AP4S1: variants seen among roughly 807,000 people sequenced by gnomAD.
AP4S1 encodes adaptor related protein complex 4 subunit sigma 1, also known as AP-4 complex subunit sigma-1.
AP4S1 carries 23 observed loss-of-function variants against 19.8 expected under a neutral mutation model. That is an observed-to-expected ratio of 1.16 (90% CI 0.84 to 1.65). The LOEUF (loss-of-function observed/expected upper bound fraction) is 1.65. AP4S1 is among the 40% of genes most tolerant of loss of function. AP4S1 has a pLI of 0.00. For synonymous variants in AP4S1, 46 were observed against 54.1 expected (o/e 0.85, Z 0.66); for missense variants, 166 against 172.8 (o/e 0.96, Z 0.22).
intron 4 of AP4S1, among the ~76,000 whole-genome samples, chr14:31,076,154 C>T (rs536757262): frequency 8.3e-4 from 127 of 152,256 alleles, no homozygotes; most frequent in Middle Eastern, 3.4e-3. Flanking sequence ...TGCATAGAAC[C>T]ATGCTTTCAG....
At chr14:31,073,491 G>GAAA (rs1328162460) in intron 4 of AP4S1, among the ~76,000 whole-genome samples, 7 of 140,982 alleles carry the variant, frequency 5.0e-5, no homozygotes. Context: ...CTCCGTCTCA[G>GAAA]AAAAAAAAAA....
chr14:31,073,288 A>G (rs986068537), intron 4 of AP4S1: 11 of 304,082 alleles, frequency 3.6e-5, no homozygotes, highest in African/African-American at 8.7e-5. Context: ...CAGGAGATGG[A>G]GACCATCCTG....
At chr14:31,077,157 G>A (rs1015792424) in intron 4 of AP4S1, among the ~76,000 whole-genome samples, 2 of 151,920 alleles carry the variant, frequency 1.3e-5, no homozygotes, top group African/African-American at 2.4e-5. Context: ...GGCTCGTCTC[G>A]AACTCCCAAC....
intron 1 of AP4S1, among the ~76,000 whole-genome samples, chr14:31,035,106 A>G (rs1419143614): frequency 6.6e-6 from 1 of 152,008 alleles, no homozygotes; most frequent in Non-Finnish European, 1.5e-5. Flanking sequence ...TAGTTCTCTA[A>G]GTATCTTTAA....
At chr14:31,074,692 G>T (rs943187856) in intron 4 of AP4S1, among the ~76,000 whole-genome samples, 2 of 152,028 alleles carry the variant, frequency 1.3e-5, no homozygotes, top group African/African-American at 4.8e-5. Flanking sequence ...AATAAATAAA[G>T]TAAGTGTATA....
intron 1 of AP4S1, among the ~76,000 whole-genome samples, chr14:31,035,773 A>G (rs989725918): frequency 2.6e-5 from 4 of 151,466 alleles, no homozygotes; most frequent in Admixed American, 6.6e-5. Context: ...TCTGTCACCC[A>G]GGCTGGAGTG....
chr14:31,073,439 G>C (rs576076187), intron 4 of AP4S1, among the ~76,000 whole-genome samples: 6 of 140,026 alleles, frequency 4.3e-5, no homozygotes, highest in African/African-American at 1.5e-4. Flanking sequence ...GCAGTGAGCC[G>C]AGATCCCGCC....
intron 1 of AP4S1, among the ~76,000 whole-genome samples, chr14:31,036,190 AT>A (rs57704258): frequency 0.2 from 30,694 of 151,914 alleles, 3,581 homozygotes; most frequent in African/African-American, 0.32. Context: ...AAAGAAAAAA[AT>A]AATAATTTAA....
rs553498182 is a variant in AP4S1 at position 31,034,975 on chromosome 14, C to T, written c.-72+9188C>T. Among the ~76,000 whole-genome samples, 4 of 152,106 alleles carry T rather than the reference C, an allele frequency of 2.6e-5. No individual in the cohort carries two copies. In the East Asian group the frequency reaches 5.8e-4, roughly 22 times the overall value. ...AACTTCAGTTATGGAAAAACAACAA[C>T]AAAAATCTGATGAACTCCAATTACA... is the stretch of plus-strand genomic sequence containing the variant. On this transcript the variant is annotated intron_variant, in intron 1 of 5. Transcript: ENST00000542754.
At chr14:31,034,727 C>T (rs1211777925) in intron 1 of AP4S1, among the ~76,000 whole-genome samples, 1 of 150,526 alleles carries the variant, frequency 6.6e-6, no homozygotes, top group Non-Finnish European at 1.5e-5. Flanking sequence ...AAGCTATTCT[C>T]CCACCTCAGT....
intron 1 of AP4S1, among the ~76,000 whole-genome samples, chr14:31,062,844 G>A (rs994568527): frequency 3.3e-5 from 5 of 152,138 alleles, no homozygotes; most frequent in South Asian, 2.1e-4. Context: ...GTGGGCACCC[G>A]TAGTCCCAGC....
chr14:31,040,240 C>G (rs1197291891), intron 1 of AP4S1, among the ~76,000 whole-genome samples: 1 of 151,410 alleles, frequency 6.6e-6, no homozygotes, highest in East Asian at 1.9e-4. Context: ...CAACCTCAAC[C>G]TCCCAAGGCT....
intron 1 of AP4S1, among the ~76,000 whole-genome samples, chr14:31,046,649 T>C (rs1885421614): frequency 1.3e-5 from 2 of 151,930 alleles, no homozygotes; most frequent in African/African-American, 2.4e-5. Context: ...ATCAAGACCA[T>C]CCAGGATAAC....
intron 1 of AP4S1, among the ~76,000 whole-genome samples, chr14:31,042,759 T>C (rs1375521786): frequency 6.6e-6 from 1 of 152,160 alleles, no homozygotes; most frequent in Non-Finnish European, 1.5e-5. Flanking sequence ...AGTAAAACAT[T>C]TGGCTTCCCT....
rs188595451 is a variant in AP4S1, at chr14:31,095,086, C to G, written c.*2051C>G. The G allele has an allele frequency of 2.9e-3, 447 of 152,326 alleles. 2 individuals are homozygous for G. Among genetic ancestry groups the G allele is most frequent in the Non-Finnish European group, 5.1e-3 (345 of 68,050 alleles). The allele number at this position is 152,326 out of a possible 1,614,324, so 9.4% of individuals were successfully genotyped here. A position where few individuals can be genotyped will look rare whatever the true frequency, so the allele number is the denominator to read the frequency against. On this transcript the variant is annotated 3_prime_UTR_variant, in exon 6 of 6. Transcript: ENST00000542754. Reference sequence around the variant, plus strand: ...GTGAGCACCTGTACTCCTAACTACTCAAGAGGCTGAGATGGGAGAATTGAT... The same window carrying G: ...GTGAGCACCTGTACTCCTAACTACTGAAGAGGCTGAGATGGGAGAATTGAT...
chr14:31,060,701 C>G (rs533776539), intron 1 of AP4S1, among the ~76,000 whole-genome samples: 1 of 152,302 alleles, frequency 6.6e-6, no homozygotes, highest in African/African-American at 2.4e-5. Flanking sequence ...GACCCACCCT[C>G]TATTGTGGTG....
At chr14:31,029,928 C>T (rs1884289854) in intron 1 of AP4S1, among the ~76,000 whole-genome samples, 1 of 151,174 alleles carries the variant, frequency 6.6e-6, no homozygotes, top group Non-Finnish European at 1.5e-5. Context: ...TTTTGACTCA[C>T]TATTCTATTG....
intron 1 of AP4S1, chr14:31,032,963 C>G (rs994861210): frequency 6.6e-6 from 1 of 152,194 alleles, no homozygotes; most frequent in Admixed American, 6.5e-5. Context: ...ATATTCTTAT[C>G]TCCACAGTGA....
chr14:31,084,495 C>T (rs1887820803), intron 5 of AP4S1, among the ~76,000 whole-genome samples: 1 of 152,234 alleles, frequency 6.6e-6, no homozygotes, highest in African/African-American at 2.4e-5. Flanking sequence ...GAAACTCTGG[C>T]TTGTTGAAAA....
Sources: gnomAD v4.1 joint callset for allele counts (sites outside exome capture counted in the v4.1 genomes callset) on GRCh38, gnomAD v4.1.1 for gene constraint, MANE v1.5 for transcripts, NCBI Gene and HGNC (gene_info 2026-07-23, HGNC 2026-07-21) for gene names.